The following PCBP3 variants were observed in gnomAD, a reference collection of about 807,000 sequenced individuals.
PCBP3 encodes poly(rC) binding protein 3.
In PCBP3, 25 loss-of-function variants were observed where a neutral mutation model predicts 52.7. The ratio of observed to expected loss-of-function variants is 0.47; its 90% CI spans 0.35 to 0.66. The LOEUF (loss-of-function observed/expected upper bound fraction) is 0.66, where lower values mean the gene tolerates loss of function less well. Ranked by LOEUF, PCBP3 falls within the 30% of genes least tolerant of loss-of-function variation. PCBP3 has a pLI of 0.01. For missense variants in PCBP3, 391 were observed against 490.3 expected, an observed-to-expected ratio of 0.80 and a Z score of 1.91; for synonymous variants, 162 against 183.0, an observed-to-expected ratio of 0.89 and a Z score of 0.93.
intron 2 of PCBP3, among the ~76,000 whole-genome samples, chr21:45,721,655 G>A (rs1466904214): frequency 6.6e-6 from 1 of 152,114 alleles, no homozygotes; most frequent in Non-Finnish European, 1.5e-5. Context: ...AATTTGTTGA[G>A]CTTTGGCCAG....
chr21:45,884,791 A>G (rs1603465239), intron 5 of PCBP3, among the ~76,000 whole-genome samples: 1 of 152,216 alleles, frequency 6.6e-6, no homozygotes, highest in Non-Finnish European at 1.5e-5. Context: ...TGTGTTACCA[A>G]TTCTACTGCT....
At chr21:45,798,020 G>A (rs1348051679) in intron 4 of PCBP3, among the ~76,000 whole-genome samples, 2 of 150,738 alleles carry the variant, frequency 1.3e-5, no homozygotes, top group African/African-American at 4.9e-5. Flanking sequence ...GTGAATGGAT[G>A]CGTACATGGA....
At chr21:45,658,866 G>A (rs114985497) in intron 1 of PCBP3, among the ~76,000 whole-genome samples, 3,169 of 151,848 alleles carry the variant, frequency 0.021, 122 homozygotes, top group African/African-American at 0.073. Context: ...TTTTTCAGAT[G>A]TACTGTTTTT....
intron 9 of PCBP3, among the ~76,000 whole-genome samples, chr21:45,907,018 G>A (rs573459436): frequency 2.2e-4 from 33 of 152,248 alleles, no homozygotes; most frequent in Non-Finnish European, 3.5e-4. Flanking sequence ...GACCACCTGC[G>A]TCCAGTGTTA....
rs201266037 is a variant in PCBP3, at chr21:45,792,476, AAGAC to A, written c.-126+37027_-126+37030del. On this transcript the variant is annotated intron_variant, in intron 4 of 17. Transcript: ENST00000681687. ...TTAAATAGAGTTTTCTTTTTTAAAA[AAGAC>A]AGCACAAGTCAGTCTTCTGGTGATT... 2.0e-3 allele frequency among the ~76,000 whole-genome samples: 300 copies of A among 152,372 alleles called. 1 individual carries two copies. The highest frequency in any genetic ancestry group is 4.2e-3 in the Admixed American group (65 of 15,308).
chr21:45,748,297 G>A (rs561789737), intron 3 of PCBP3, among the ~76,000 whole-genome samples: 1 of 152,354 alleles, frequency 6.6e-6, no homozygotes, highest in East Asian at 1.9e-4. Context: ...CTCTGGATCT[G>A]CAGGGACACT....
At chr21:45,927,266 C>T (rs907617254) in intron 13 of PCBP3, among the ~76,000 whole-genome samples, 1 of 121,138 alleles carries the variant, frequency 8.3e-6, no homozygotes, top group East Asian at 2.4e-4. Flanking sequence ...TGCCCATCCT[C>T]CTACCCTCCT....
intron 5 of PCBP3, among the ~76,000 whole-genome samples, chr21:45,885,578 G>A (rs1243612690): frequency 3.9e-5 from 6 of 151,990 alleles, no homozygotes; most frequent in South Asian, 4.2e-4. Context: ...GTGTGTCTTC[G>A]GTCTGTGTTC....
At chr21:45,905,376 A>C (rs753656461) in intron 9 of PCBP3, among the ~76,000 whole-genome samples, 25 of 152,364 alleles carry the variant, frequency 1.6e-4, no homozygotes, top group Non-Finnish European at 3.5e-4. Flanking sequence ...CTCTGTTTCC[A>C]GAGCATCCAC....
At chr21:45,865,082 G>A (rs2094660192) in intron 5 of PCBP3, among the ~76,000 whole-genome samples, 1 of 152,208 alleles carries the variant, frequency 6.6e-6, no homozygotes, top group Admixed American at 6.5e-5. Flanking sequence ...ATTTCATTAA[G>A]ATGGGGTAGA....
chr21:45,678,283 G>A (rs1418482587), intron 2 of PCBP3, among the ~76,000 whole-genome samples: 1 of 151,220 alleles, frequency 6.6e-6, no homozygotes, highest in Non-Finnish European at 1.5e-5. Flanking sequence ...TCTAGCCTGG[G>A]CGACAGAGCG....
At position 45,817,908 on chromosome 21, in the gene PCBP3, C is replaced by T. The variant is rs1451234209; in HGVS notation, c.-125-32053C>T. On this transcript the variant is annotated intron_variant, in intron 4 of 17. Transcript: ENST00000681687. This position sits in a 1 kb window ranked among gnomAD's most constrained non-coding sequence, Gnocchi z 4.3. ...TTTAGGGCAATTGTATTCTACAATA[C>T]AGAAAAATTATTGGAAAGTATAGAG... Among the ~76,000 whole-genome samples, 1 of 152,176 alleles carries T rather than the reference C, an allele frequency of 6.6e-6. No homozygotes were observed. Among genetic ancestry groups the T allele is most frequent in the Non-Finnish European group, 1.5e-5 (1 of 68,024 alleles).
At chr21:45,696,245 G>A (rs1331079560) in intron 2 of PCBP3, among the ~76,000 whole-genome samples, 2 of 152,064 alleles carry the variant, frequency 1.3e-5, no homozygotes, top group African/African-American at 4.8e-5. Context: ...GGAAAATATG[G>A]AAGAATATTT....
intron 5 of PCBP3, chr21:45,872,353 T>C (rs2095063341): frequency 6.6e-6 from 1 of 152,234 alleles, no homozygotes; most frequent in Non-Finnish European, 1.5e-5. Flanking sequence ...TTTTTCCTAG[T>C]TTCCTCAGTT....
chr21:45,935,528 A>G (rs2076798336), intron 16 of PCBP3: 2 of 668,742 alleles, frequency 3.0e-6, no homozygotes, highest in Admixed American at 4.1e-5. Context: ...TGAACAAGCA[A>G]CAGGCTAAAG....
chr21:45,905,250 G>A (rs1252414184), intron 9 of PCBP3, among the ~76,000 whole-genome samples: 5 of 152,140 alleles, frequency 3.3e-5, no homozygotes, highest in South Asian at 2.1e-4. Context: ...TCCAACGACC[G>A]CATCTCCGTC....
Position 45,654,163 on chromosome 21 carries a change from G to A in PCBP3, c.-279+10295G>A, listed in dbSNP as rs554376924. Among the ~76,000 whole-genome samples, 9 of 151,990 alleles carry A rather than the reference G, an allele frequency of 5.9e-5. No homozygotes were observed. In the South Asian group the frequency reaches 1.2e-3, roughly 21 times the overall value. On this transcript the variant is annotated intron_variant, in intron 1 of 17. Transcript: ENST00000681687. The stretch of plus-strand genomic sequence containing the variant: ...TATTACTGGTAACATTAACAGTATT[G>A]TATTAACAGTAATATTAACAGTTAG...
intron 2 of PCBP3, among the ~76,000 whole-genome samples, chr21:45,734,025 T>C (rs928392703): frequency 3.3e-5 from 5 of 152,262 alleles, no homozygotes; most frequent in Non-Finnish European, 7.3e-5. Flanking sequence ...TCGTAAACTT[T>C]GTATTGTTGG....
chr21:45,931,527 G>A (rs538983747), intron 15 of PCBP3, among the ~76,000 whole-genome samples: 13 of 152,354 alleles, frequency 8.5e-5, no homozygotes, highest in African/African-American at 2.4e-4. Context: ...TGAATGCTGC[G>A]GCCAGGAGAC....
Sources: allele counts gnomAD v4.1 joint callset (sites outside exome capture counted in the v4.1 genomes callset), GRCh38; gene constraint gnomAD v4.1.1; non-coding constraint Gnocchi (gnomAD v3.1); transcripts MANE v1.5; gene names NCBI Gene and HGNC (gene_info 2026-07-23, HGNC 2026-07-21).